DNAJB6: variants seen among roughly 807,000 people sequenced by gnomAD.
DNAJB6 encodes DnaJ heat shock protein family (Hsp40) member B6, also known as dnaJ homolog subfamily B member 6.
A neutral mutation model predicts 42.7 loss-of-function variants in DNAJB6; 16 were observed. The observed-to-expected ratio is 0.37, with a 90% CI of 0.25 to 0.57. The LOEUF is 0.57. Among genes scored for constraint, DNAJB6 ranks in the 20% least tolerant of loss-of-function variants. DNAJB6 has a pLI of 0.74. For missense variants in DNAJB6, 347 were observed against 416.8 expected, an observed-to-expected ratio of 0.83 and a Z score of 1.46; for synonymous variants, 170 against 163.5, an observed-to-expected ratio of 1.04 and a Z score of -0.30.
chr7:157,360,432 CTT>C (rs1563120978), intron 2 of DNAJB6, among the ~76,000 whole-genome samples: 1 of 152,152 alleles, frequency 6.6e-6, no homozygotes, highest in African/African-American at 2.4e-5. Context: ...ATAGCCAGCC[CTT>C]ATCAATGGAT....
chr7:157,383,778 A>G (rs1035194986), intron 6 of DNAJB6, among the ~76,000 whole-genome samples: 2 of 152,052 alleles, frequency 1.3e-5, no homozygotes, highest in East Asian at 1.9e-4. Context: ...AGGCCTGGCT[A>G]CTCCTAACGG....
intron 8 of DNAJB6, among the ~76,000 whole-genome samples, chr7:157,397,425 G>C (rs1214129843): frequency 6.6e-6 from 1 of 152,232 alleles, no homozygotes; most frequent in African/African-American, 2.4e-5. Context: ...GGTGTGTTCA[G>C]CTCTGACATG....
intron 1 of DNAJB6, among the ~76,000 whole-genome samples, chr7:157,350,715 A>C (rs138597649): frequency 7.5e-4 from 111 of 148,442 alleles, no homozygotes; most frequent in African/African-American, 2.5e-3. Flanking sequence ...TTTGAGATGG[A>C]GTCTTACTCT....
chr7:157,342,774 G>A (rs1010500476), intron 1 of DNAJB6, among the ~76,000 whole-genome samples: 1 of 152,068 alleles, frequency 6.6e-6, no homozygotes, highest in African/African-American at 2.4e-5. Context: ...TTTAATGAAA[G>A]GGAGTTAAGC....
chr7:157,374,144 C>T (rs1354894724), intron 5 of DNAJB6, among the ~76,000 whole-genome samples: 1 of 152,220 alleles, frequency 6.6e-6, no homozygotes, highest in African/African-American at 2.4e-5. Flanking sequence ...TCCCGCCCGG[C>T]ATCCCCACGC....
At chr7:157,404,089 CCT>C (rs1437532187) in intron 8 of DNAJB6, among the ~76,000 whole-genome samples, 1 of 150,660 alleles carries the variant, frequency 6.6e-6, no homozygotes, top group Non-Finnish European at 1.5e-5. Context: ...AGCTCAGCCC[CCT>C]GAGTAGCTTA....
At chr7:157,359,806 C>T (rs752956102) in intron 2 of DNAJB6, among the ~76,000 whole-genome samples, 4 of 152,262 alleles carry the variant, frequency 2.6e-5, no homozygotes, top group Admixed American at 6.5e-5. Context: ...GCAACCAAGC[C>T]GAGACCCTGT....
intron 8 of DNAJB6, among the ~76,000 whole-genome samples, chr7:157,393,025 G>A (rs1182235134): frequency 1.3e-5 from 2 of 152,162 alleles, no homozygotes; most frequent in Non-Finnish European, 2.9e-5. Flanking sequence ...GCTGGATGGA[G>A]TGCAGTGGTG....
Position 157,405,662 on chromosome 7 carries a change from T to C in DNAJB6, c.692-4133T>C, listed in dbSNP as rs78658224. Reference sequence around the variant, plus strand: ...GCTCACCGTACAGTCTCCTGGGACCTTGACAGACCGCACCAGGCCACATCC... The same window carrying C: ...GCTCACCGTACAGTCTCCTGGGACCCTGACAGACCGCACCAGGCCACATCC... On this transcript the variant is annotated intron_variant, in intron 8 of 9. Coordinates refer to ENST00000262177, the MANE Select transcript of DNAJB6 (RefSeq NM_058246.4). Among the ~76,000 whole-genome samples, 300 of 152,312 alleles carry C rather than the reference T, an allele frequency of 2.0e-3. 6 individuals are homozygous for C. The East Asian group carries it at 0.035, about 18-fold the overall frequency.
At chr7:157,359,169 G>A (rs1183660027) in intron 2 of DNAJB6, among the ~76,000 whole-genome samples, 4 of 152,170 alleles carry the variant, frequency 2.6e-5, no homozygotes, top group Non-Finnish European at 5.9e-5. Flanking sequence ...TTTAATTAAT[G>A]AGGTGTTAAC....
In DNAJB6 at chr7:157,396,964, C is replaced by T. The variant is rs115107957; in HGVS notation, c.691+11353C>T. ...AAGGGGTCCTGAACCTGCCACGGGA[C>T]GTGATGCCAGTGGTAGCTGAATGTG... On this transcript the variant is annotated intron_variant, in intron 8 of 9. Transcript: ENST00000262177. Among the ~76,000 whole-genome samples the T allele has an allele frequency of 4.3e-3, 650 of 152,308 alleles. 5 individuals are homozygous for T. Among genetic ancestry groups the T allele is most frequent in the African/African-American group, 0.015 (621 of 41,552 alleles).
At position 157,416,340 on chromosome 7, in the gene DNAJB6, A is replaced by G. The variant is rs571981993; in HGVS notation, c.*242A>G. The G allele has an allele frequency of 1.5e-5, 8 of 528,372 alleles. No individual in the cohort carries two copies. Among genetic ancestry groups the G allele is most frequent in the East Asian group, 3.2e-5 (1 of 31,254 alleles). The allele number at this position is 528,372 out of a possible 1,614,324, so 32.7% of individuals were successfully genotyped here. A position where few individuals can be genotyped will look rare whatever the true frequency, so the allele number is the denominator to read the frequency against. Reference sequence around the variant, plus strand: ...ACTCTCTGCTTCTCTCCAGCTCTCAATCTGCTGCATTTTCCTCTAGTGCTT... The same window carrying G: ...ACTCTCTGCTTCTCTCCAGCTCTCAGTCTGCTGCATTTTCCTCTAGTGCTT... On this transcript the variant is annotated 3_prime_UTR_variant, in exon 10 of 10. Coordinates refer to ENST00000262177, the MANE Select transcript of DNAJB6 (RefSeq NM_058246.4).
intron 5 of DNAJB6, chr7:157,372,046 A>G (rs1196233866): frequency 2.0e-5 from 3 of 152,368 alleles, no homozygotes; most frequent in African/African-American, 7.2e-5. Flanking sequence ...AACCAAGGAA[A>G]GCAGACTTCT....
intron 1 of DNAJB6, among the ~76,000 whole-genome samples, chr7:157,339,122 T>A (rs977022789): frequency 6.1e-4 from 93 of 152,240 alleles, no homozygotes; most frequent in African/African-American, 2.0e-3. Context: ...GTGTGATACC[T>A]GTTACTGAGT....
intron 1 of DNAJB6, among the ~76,000 whole-genome samples, chr7:157,351,526 A>T (rs1307642652): frequency 6.6e-6 from 1 of 151,648 alleles, no homozygotes; most frequent in Admixed American, 6.6e-5. Context: ...CCAGCTCCTC[A>T]GGAGGCTGAG....
intron 5 of DNAJB6, among the ~76,000 whole-genome samples, chr7:157,369,678 A>ATTATTAAACAGGCCCCTTCTTAACATTG (rs1800033515): frequency 2.0e-5 from 3 of 151,024 alleles, no homozygotes; most frequent in African/African-American, 7.4e-5. Flanking sequence ...TCTTAACATT[A>ATTATTAAACAGGCCCCTTCTTAACATTG]TTATTAAACA....
At chr7:157,383,208 G>A (rs995395958) in intron 6 of DNAJB6, among the ~76,000 whole-genome samples, 14 of 152,020 alleles carry the variant, frequency 9.2e-5, no homozygotes, top group Non-Finnish European at 1.8e-4. Flanking sequence ...GGTTTTTGTC[G>A]TGTTGGCCAG....
At chr7:157,357,531 G>A (rs1051022314) in intron 1 of DNAJB6, among the ~76,000 whole-genome samples, 1 of 151,514 alleles carries the variant, frequency 6.6e-6, no homozygotes, top group Non-Finnish European at 1.5e-5. Context: ...GGCTGATCTC[G>A]AACTCCTGAC....
intron 5 of DNAJB6, among the ~76,000 whole-genome samples, chr7:157,370,237 C>CCCTTTCTTCACATTATTATTAAAG (rs1800129368): frequency 1.6e-5 from 2 of 123,400 alleles, no homozygotes; most frequent in African/African-American, 5.2e-5. Flanking sequence ...TATTATTAAA[C>CCCTTTCTTCACATTATTATTAAAG]AGGCCCTTTC....
Sources: gnomAD v4.1 joint callset for allele counts (sites outside exome capture counted in the v4.1 genomes callset) on GRCh38, gnomAD v4.1.1 for gene constraint, MANE v1.5 for transcripts, NCBI Gene and HGNC (gene_info 2026-07-23, HGNC 2026-07-21) for gene names.